Variants in CDK12 observed in about 807,000 individuals in gnomAD.
CDK12 encodes cyclin dependent kinase 12.
In CDK12, 17 loss-of-function variants were observed where a neutral mutation model predicts 133.8. The ratio of observed to expected loss-of-function variants is 0.13; its 90% CI spans 0.09 to 0.19. The LOEUF is 0.19. Ranked by LOEUF, CDK12 falls within the 10% of genes least tolerant of loss-of-function variation. CDK12 has a pLI of 1.00. For synonymous variants in CDK12, 694 were observed against 683.6 expected (o/e 1.02, Z -0.24); for missense variants, 1,508 against 1,818.7 (o/e 0.83, Z 3.11).
chr17:39,466,396 C>T (rs1006426825), intron 1 of CDK12, among the ~76,000 whole-genome samples: 3 of 150,884 alleles, frequency 2.0e-5, no homozygotes, highest in African/African-American at 7.3e-5. Context: ...AGGCGGATCA[C>T]CTGAGGTCGG....
At chr17:39,555,295 C>T (rs1271012542) in intron 2 of CDK12, among the ~76,000 whole-genome samples, 1 of 152,144 alleles carries the variant, frequency 6.6e-6, no homozygotes. Flanking sequence ...AACATCCCAT[C>T]TTCAGTGAAG....
chr17:39,465,580 G>A (rs924603114), intron 1 of CDK12, among the ~76,000 whole-genome samples: 1 of 151,694 alleles, frequency 6.6e-6, no homozygotes, highest in African/African-American at 2.4e-5. Context: ...TCTGCCTCTC[G>A]GGTTCAAGCT....
chr17:39,492,191 G>T (rs1411006453), intron 3 of CDK12, among the ~76,000 whole-genome samples: 1 of 150,480 alleles, frequency 6.6e-6, no homozygotes, highest in Admixed American at 6.6e-5. Flanking sequence ...CTGCCTCCTG[G>T]GTTCAAGTGA....
chr17:39,521,330 G>A (rs1242870481), intron 11 of CDK12, among the ~76,000 whole-genome samples: 2 of 152,060 alleles, frequency 1.3e-5, no homozygotes, highest in Non-Finnish European at 2.9e-5. Context: ...GAGTGCAGTG[G>A]TGTGATATTG....
rs767506835 is a variant in CDK12, at chr17:39,471,586, C to T, written c.1754C>T (p.Pro585Leu). The stretch of plus-strand genomic sequence containing the variant: ...CCTGCTTCCAGTACTTCAACTTTGC[C>T]CCCTTCTACTCACTCAAAGACATCT... ...QVPASSTSTL[P>L]PSTHSKTSAV... is the part of the protein sequence containing the mutation. The change falls in exon 2 of 14, where the codon CCC becomes CTC. Residue 585 changes from proline to leucine, a missense_variant. Physicochemically the swap from Pro to Leu is moderately conservative, Grantham distance 98. Around this residue, in one of 9 missense-constraint regions of CDK12, gnomAD observed 347 missense variants for 330.8 expected, o/e 1.05. Coordinates refer to ENST00000447079, the MANE Select transcript of CDK12 (RefSeq NM_016507.4). 7 of 1,614,002 alleles carry T rather than the reference C, an allele frequency of 4.3e-6. No individual in the cohort carries two copies. The highest frequency in any genetic ancestry group is 8.5e-7 in the Non-Finnish European group (1 of 1,180,038).
chr17:39,513,480 T>C (rs1486320002), intron 8 of CDK12, among the ~76,000 whole-genome samples: 2 of 152,216 alleles, frequency 1.3e-5, no homozygotes, highest in Non-Finnish European at 1.5e-5. Flanking sequence ...GTTTTTGTTC[T>C]GGACAATTTG....
At chr17:39,464,376 A>G (rs1404461926) in intron 1 of CDK12, among the ~76,000 whole-genome samples, 1 of 149,522 alleles carries the variant, frequency 6.7e-6, no homozygotes, top group Admixed American at 6.8e-5. Flanking sequence ...TCATGCCACC[A>G]TGCCTGGCTA....
At chr17:39,524,166 G>A (rs961483448) in intron 11 of CDK12, among the ~76,000 whole-genome samples, 3 of 152,202 alleles carry the variant, frequency 2.0e-5, no homozygotes, top group African/African-American at 7.2e-5. Flanking sequence ...TCTGTGGGCA[G>A]AAAGGGGAAA....
chr17:39,517,965 A>G (rs961676458), intron 10 of CDK12, among the ~76,000 whole-genome samples: 1 of 143,154 alleles, frequency 7.0e-6, no homozygotes, highest in East Asian at 2.0e-4. Flanking sequence ...CAATCCTCCC[A>G]CCTTAGCCTT....
At chr17:39,482,031 T>TA (rs2050757538) in intron 2 of CDK12, among the ~76,000 whole-genome samples, 1 of 147,920 alleles carries the variant, frequency 6.8e-6, no homozygotes, top group African/African-American at 2.5e-5. Flanking sequence ...TTTTTTTTTT[T>TA]AACAGAGTTT....
At chr17:39,467,395 G>T (rs555444619) in intron 1 of CDK12, among the ~76,000 whole-genome samples, 2 of 152,258 alleles carry the variant, frequency 1.3e-5, no homozygotes, top group Admixed American at 1.3e-4. Context: ...TGAGTGGGGG[G>T]GAAATACATT....
rs1299545280 is a variant in CDK12 at position 39,526,072 on chromosome 17, C to T, written c.3516C>T (p.Thr1172=). 3 of 1,614,104 alleles carry T rather than the reference C, an allele frequency of 1.9e-6. No individual in the cohort carries two copies. Residue 1172 remains threonine (T), a synonymous_variant, in exon 13 of 14, where the codon ACC becomes ACT. Transcript: ENST00000447079. ...EATSQQQDSE[T]MAPEESLKEA... is the part of the protein sequence containing the mutation. The stretch of plus-strand genomic sequence containing the variant: ...CTTCCCAGCAGCAGGACTCAGAGAC[C>T]ATGGCCCCAGAGGAGTCTTTGAAGG...
intron 2 of CDK12, among the ~76,000 whole-genome samples, chr17:39,472,706 C>T (rs925012230): frequency 6.6e-6 from 1 of 152,070 alleles, no homozygotes; most frequent in African/African-American, 2.4e-5. Flanking sequence ...CTAATAATAA[C>T]GTTCTATATA....
chr17:39,528,392 GGC>G (rs1270609754), intron 13 of CDK12, among the ~76,000 whole-genome samples: 2 of 152,056 alleles, frequency 1.3e-5, no homozygotes, highest in African/African-American at 4.8e-5. Context: ...GGAGTGCAGT[GGC>G]GTGATCTCAG....
intron 2 of CDK12, among the ~76,000 whole-genome samples, chr17:39,488,998 G>A (rs1444649140): frequency 1.3e-5 from 2 of 151,844 alleles, no homozygotes; most frequent in Non-Finnish European, 2.9e-5. Flanking sequence ...TCAGCTCACT[G>A]CAACCTCCTC....
intron 2 of CDK12, among the ~76,000 whole-genome samples, chr17:39,475,265 T>G (rs1318897666): frequency 6.6e-6 from 1 of 151,356 alleles, no homozygotes; most frequent in Non-Finnish European, 1.5e-5. Flanking sequence ...AGGCCAGGAG[T>G]TCAAAACCAG....
chr17:39,483,259 GT>G (rs1022280278), intron 2 of CDK12, among the ~76,000 whole-genome samples: 9 of 151,404 alleles, frequency 5.9e-5, no homozygotes, highest in African/African-American at 2.2e-4. Flanking sequence ...TGAAATCACT[GT>G]TTCTTTTCTT....
At chr17:39,547,255 C>T (rs917071373), upstream of CDK12, among the ~76,000 whole-genome samples, 4 of 151,526 alleles carry the variant, frequency 2.6e-5, no homozygotes, top group African/African-American at 9.7e-5. Flanking sequence ...CCTGCCTCAG[C>T]CTCCTGAGTA....
intron 13 of CDK12, chr17:39,530,365 C>A: frequency 2.2e-6 from 1 of 464,404 alleles, no homozygotes; most frequent in Non-Finnish European, 3.6e-6. Context: ...AGACCAAAAT[C>A]AGGATAATCA....
Sources: gnomAD v4.1 joint callset for allele counts (sites outside exome capture counted in the v4.1 genomes callset) on GRCh38, gnomAD v4.1.1 for gene constraint, gnomAD v4.1.1 regional missense constraint, MANE v1.5 for transcripts, NCBI Gene and HGNC (gene_info 2026-07-23, HGNC 2026-07-21) for gene names.